Variants in PRKN observed in about 807,000 individuals in gnomAD.
PRKN encodes the protein E3 ubiquitin-protein ligase parkin.
Under a neutral mutation model 59.5 loss-of-function variants are expected in PRKN, and 56 were observed. The ratio of observed to expected loss-of-function variants is 0.94; its 90% CI spans 0.76 to 1.18. PRKN has a LOEUF of 1.18. Among genes scored for constraint, PRKN ranks in the 50% most tolerant of loss-of-function variants. The pLI, the probability that PRKN is intolerant of heterozygous loss-of-function variation, is 0.00. For synonymous variants in PRKN, 250 were observed against 222.1 expected (o/e 1.13, Z -1.12); for missense variants, 657 against 596.4 (o/e 1.10, Z -1.06).
At chr6:162,386,489 A>C (rs568536095) in intron 2 of PRKN, among the ~76,000 whole-genome samples, 1 of 152,322 alleles carries the variant, frequency 6.6e-6, no homozygotes, top group African/African-American at 2.4e-5. Context: ...GTCCACTCGT[A>C]CTTGTCAGAG....
intron 6 of PRKN, among the ~76,000 whole-genome samples, chr6:161,927,805 G>C (rs1490090219): frequency 6.6e-6 from 1 of 151,714 alleles, no homozygotes; most frequent in Non-Finnish European, 1.5e-5. Context: ...AAAATAAACA[G>C]TACCATAGTA....
At chr6:161,370,984 G>C (rs940807929) in intron 10 of PRKN, among the ~76,000 whole-genome samples, 1 of 152,172 alleles carries the variant, frequency 6.6e-6, no homozygotes, top group Admixed American at 6.5e-5. Flanking sequence ...GCACTGCTGC[G>C]TGTGAGCAGC....
rs567714726 is a variant in PRKN, at chr6:161,624,664, T to C, written c.872-55248A>G. ...GCTTCTGTTTCCCATAGGAATCGCA[T>C]GCCTCTGACTTTGAGACCTTGGGAA... On this transcript the variant is annotated intron_variant, in intron 7 of 11. Transcript: ENST00000366898. 3.3e-5 allele frequency among the ~76,000 whole-genome samples: 5 copies of C among 152,374 alleles called. No homozygotes were observed. In the South Asian group the frequency reaches 1.0e-3, roughly 32 times the overall value.
At chr6:162,073,485 C>G (rs1033854766) in intron 4 of PRKN, among the ~76,000 whole-genome samples, 1 of 152,158 alleles carries the variant, frequency 6.6e-6, no homozygotes, top group African/African-American at 2.4e-5. Flanking sequence ...CAGGGTCTCG[C>G]TCTGTCACCC....
chr6:161,638,779 T>A (rs1217036724), intron 7 of PRKN, among the ~76,000 whole-genome samples: 1 of 138,146 alleles, frequency 7.2e-6, no homozygotes, highest in African/African-American at 2.8e-5. Flanking sequence ...TCTCACTCTT[T>A]CAGCCAGGCT....
intron 6 of PRKN, among the ~76,000 whole-genome samples, chr6:161,843,697 G>A (rs935830152): frequency 1.3e-5 from 2 of 152,190 alleles, no homozygotes; most frequent in African/African-American, 4.8e-5. Flanking sequence ...GGCTGAGGTA[G>A]AAAAATTGCT....
At chr6:162,256,753 G>A (rs551711616) in intron 3 of PRKN, among the ~76,000 whole-genome samples, 1 of 152,258 alleles carries the variant, frequency 6.6e-6, no homozygotes, top group East Asian at 1.9e-4. Context: ...GAGGCCTGTC[G>A]TTAGAAGAGC....
intron 7 of PRKN, among the ~76,000 whole-genome samples, chr6:161,714,122 C>A (rs1318860415): frequency 6.6e-6 from 1 of 152,108 alleles, no homozygotes; most frequent in Admixed American, 6.6e-5. Flanking sequence ...TTCACAGTGG[C>A]TTGATCTGAG....
At chr6:161,666,354 G>C (rs1420756321) in intron 7 of PRKN, among the ~76,000 whole-genome samples, 1 of 152,176 alleles carries the variant, frequency 6.6e-6, no homozygotes, top group Non-Finnish European at 1.5e-5. Flanking sequence ...ACATGCATGG[G>C]ATGTAAGTTG....
At chr6:161,838,073 A>G (rs1234739744) in intron 6 of PRKN, among the ~76,000 whole-genome samples, 1 of 152,164 alleles carries the variant, frequency 6.6e-6, no homozygotes, top group African/African-American at 2.4e-5. Context: ...TTTCTTAATC[A>G]TTCCCTTCAG....
chr6:161,456,162 G>A lies in PRKN; in HGVS notation c.1084-69285C>T, dbSNP rs1789959592. On this transcript the variant is annotated intron_variant, in intron 9 of 11. Coordinates refer to ENST00000366898, the MANE Select transcript of PRKN (RefSeq NM_004562.3). The surrounding 1 kb of genome is among the most constrained non-coding windows in gnomAD (Gnocchi z 4.8). The stretch of plus-strand genomic sequence containing the variant: ...TGTCTGTGAGGGTGTTGCCAAAGGA[G>A]ATTAACATTTGAGTCAGTGGGACTG... 6.6e-6 allele frequency among the ~76,000 whole-genome samples: 1 copy of A among 152,182 alleles called. No individual in the cohort carries two copies. The highest frequency in any genetic ancestry group is 2.4e-5 in the African/African-American group (1 of 41,456).
At chr6:161,717,796 G>A (rs1020961352) in intron 7 of PRKN, among the ~76,000 whole-genome samples, 2 of 152,184 alleles carry the variant, frequency 1.3e-5, no homozygotes, top group African/African-American at 2.4e-5. Context: ...TCACGCCCGC[G>A]AGGGGTGGGA....
intron 9 of PRKN, among the ~76,000 whole-genome samples, chr6:161,408,821 G>A (rs1787394465): frequency 6.6e-6 from 1 of 152,074 alleles, no homozygotes; most frequent in African/African-American, 2.4e-5. Context: ...AAAACATTAG[G>A]AAATAGCCAA....
intron 6 of PRKN, among the ~76,000 whole-genome samples, chr6:161,828,758 A>T (rs544917715): frequency 6.6e-6 from 1 of 152,156 alleles, no homozygotes; most frequent in East Asian, 1.9e-4. Context: ...ATCTCTACTA[A>T]AAATACAACA....
At chr6:162,386,098 C>T (rs1786790995) in intron 2 of PRKN, among the ~76,000 whole-genome samples, 1 of 152,046 alleles carries the variant, frequency 6.6e-6, no homozygotes, top group Admixed American at 6.6e-5. Flanking sequence ...TCAACCATCT[C>T]CTAGTGACTC....
intron 1 of PRKN, among the ~76,000 whole-genome samples, chr6:162,513,577 C>T (rs149841894): frequency 1.3e-4 from 20 of 152,130 alleles, no homozygotes; most frequent in African/African-American, 4.8e-4. Flanking sequence ...AAAAGGCATA[C>T]CATGGGCGGG....
chr6:162,462,924 T>C (rs973333943), intron 1 of PRKN, among the ~76,000 whole-genome samples: 3 of 151,948 alleles, frequency 2.0e-5, no homozygotes, highest in African/African-American at 7.3e-5. Flanking sequence ...CAACATCCCA[T>C]CTCTACTAAA....
At chr6:161,998,307 A>G (rs918621385) in intron 5 of PRKN, among the ~76,000 whole-genome samples, 1 of 152,148 alleles carries the variant, frequency 6.6e-6, no homozygotes, top group Non-Finnish European at 1.5e-5. Context: ...TATTCGTGCT[A>G]TGATGGTTGC....
At chr6:162,411,989 A>G (rs1024046560) in intron 2 of PRKN, among the ~76,000 whole-genome samples, 2 of 152,008 alleles carry the variant, frequency 1.3e-5, no homozygotes, top group Non-Finnish European at 2.9e-5. Flanking sequence ...CATAAAGAAA[A>G]CCATAGTATT....
Sources: gnomAD v4.1 joint callset for allele counts (sites outside exome capture counted in the v4.1 genomes callset) on GRCh38, gnomAD v4.1.1 for gene constraint, Gnocchi (gnomAD v3.1) non-coding constraint, MANE v1.5 for transcripts, NCBI Gene and HGNC (gene_info 2026-07-23, HGNC 2026-07-21) for gene names.